Variants in PPP1R1C observed in about 807,000 individuals in gnomAD.
The protein encoded by PPP1R1C is protein phosphatase 1 regulatory subunit 1C.
A neutral mutation model predicts 17.4 loss-of-function variants in PPP1R1C; 15 were observed. That is an observed-to-expected ratio of 0.86 (90% CI 0.58 to 1.33). PPP1R1C has a LOEUF of 1.33. Among genes scored for constraint, PPP1R1C ranks in the 40% most tolerant of loss-of-function variants. The pLI, the probability that PPP1R1C is intolerant of heterozygous loss-of-function variation, is 0.00. For synonymous variants in PPP1R1C, 35 were observed against 43.1 expected (o/e 0.81, Z 0.73); for missense variants, 143 against 130.0 (o/e 1.10, Z -0.48).
intron 2 of PPP1R1C, among the ~76,000 whole-genome samples, chr2:182,000,467 A>C (rs1203985143): frequency 6.6e-6 from 1 of 152,160 alleles, no homozygotes; most frequent in Non-Finnish European, 1.5e-5. Flanking sequence ...TCCTGACATC[A>C]AAAGGTCACA....
At chr2:181,966,893 C>T (rs1381724775) in intron 1 of PPP1R1C, among the ~76,000 whole-genome samples, 1 of 152,118 alleles carries the variant, frequency 6.6e-6, no homozygotes. Context: ...ATTAGTCCTT[C>T]TTTAATTGTT....
chr2:182,049,474 A>G (rs974322534), intron 2 of PPP1R1C, among the ~76,000 whole-genome samples: 1 of 152,170 alleles, frequency 6.6e-6, no homozygotes, highest in Non-Finnish European at 1.5e-5. Flanking sequence ...GCTAATGAAA[A>G]TATACTAAGG....
chr2:182,039,065 T>G (rs1221835745), intron 2 of PPP1R1C, among the ~76,000 whole-genome samples: 2 of 152,200 alleles, frequency 1.3e-5, no homozygotes, highest in Non-Finnish European at 1.5e-5. Context: ...TTTATGTTCT[T>G]CCACACAATT....
At chr2:182,002,194 ATT>A (rs59509714) in intron 2 of PPP1R1C, among the ~76,000 whole-genome samples, 8 of 151,292 alleles carry the variant, frequency 5.3e-5, no homozygotes, top group Non-Finnish European at 1.2e-4. Flanking sequence ...CCATCAAGGT[ATT>A]TTTTTTTCTT....
chr2:182,072,011 A>T (rs1404981940), intron 4 of PPP1R1C, among the ~76,000 whole-genome samples: 1 of 152,200 alleles, frequency 6.6e-6, no homozygotes, highest in Non-Finnish European at 1.5e-5. Context: ...TTCCTATTTG[A>T]GTCAGTATTC....
chr2:181,988,119 A>G (rs1685356916), intron 2 of PPP1R1C, among the ~76,000 whole-genome samples: 1 of 152,212 alleles, frequency 6.6e-6, no homozygotes, highest in African/African-American at 2.4e-5. Flanking sequence ...ATCATAAGTG[A>G]TGATATGCTA....
intron 2 of PPP1R1C, among the ~76,000 whole-genome samples, chr2:182,022,727 G>C (rs1482789775): frequency 6.6e-6 from 1 of 152,176 alleles, no homozygotes; most frequent in Non-Finnish European, 1.5e-5. Context: ...AAGCTTGAGA[G>C]ACCATTAGAA....
intron 4 of PPP1R1C, among the ~76,000 whole-genome samples, chr2:182,089,846 GT>G (rs1688731407): frequency 6.6e-6 from 1 of 151,738 alleles, no homozygotes; most frequent in African/African-American, 2.4e-5. Flanking sequence ...TTATAATTTT[GT>G]TCTCCAGGTA....
chr2:182,103,338 G>A (rs1019574438), intron 4 of PPP1R1C, among the ~76,000 whole-genome samples: 5 of 152,134 alleles, frequency 3.3e-5, no homozygotes, highest in Admixed American at 6.5e-5. Context: ...GTATGAAATT[G>A]CTAGTCCTTA....
intron 4 of PPP1R1C, among the ~76,000 whole-genome samples, chr2:182,088,550 C>T (rs958161549): frequency 5.9e-5 from 9 of 152,080 alleles, no homozygotes; most frequent in South Asian, 2.1e-4. Flanking sequence ...GCAGTCAAGG[C>T]GATGGGGACA....
At chr2:181,998,551 G>A (rs1685678548) in intron 2 of PPP1R1C, among the ~76,000 whole-genome samples, 2 of 152,090 alleles carry the variant, frequency 1.3e-5, no homozygotes, top group African/African-American at 4.8e-5. Flanking sequence ...ACAAATTGTT[G>A]ACAACTGCAC....
At chr2:181,966,524 T>C (rs1684908283) in intron 1 of PPP1R1C, among the ~76,000 whole-genome samples, 1 of 152,152 alleles carries the variant, frequency 6.6e-6, no homozygotes, top group Admixed American at 6.5e-5. Flanking sequence ...TAAAAGGATA[T>C]TGAATTTTAT....
chr2:182,070,926 G>T lies in PPP1R1C; in HGVS notation c.241+7135G>T, dbSNP rs150720023. On this transcript the variant is annotated intron_variant, in intron 4 of 4. Coordinates refer to ENST00000682840, the MANE Select transcript of PPP1R1C (RefSeq NM_001080545.3). Reference sequence around the variant, plus strand: ...GGTGCTACACACTGTTAAACAACCAGATCTCACAATAACTCCCTCACACAC... The same window carrying T: ...GGTGCTACACACTGTTAAACAACCATATCTCACAATAACTCCCTCACACAC... Among the ~76,000 whole-genome samples the T allele has an allele frequency of 5.8e-3, 883 of 152,150 alleles. 5 individuals carry two copies. Among genetic ancestry groups the T allele is most frequent in the Admixed American group, 9.6e-3 (147 of 15,274 alleles).
chr2:182,090,933 A>G (rs1263651455), intron 4 of PPP1R1C, among the ~76,000 whole-genome samples: 2 of 152,214 alleles, frequency 1.3e-5, no homozygotes, highest in African/African-American at 2.4e-5. Flanking sequence ...TCTACTTCCT[A>G]GGGCAAGTGG....
At chr2:182,087,559 G>C (rs1688664369) in intron 4 of PPP1R1C, among the ~76,000 whole-genome samples, 1 of 152,128 alleles carries the variant, frequency 6.6e-6, no homozygotes, top group Non-Finnish European at 1.5e-5. Flanking sequence ...TGTTTTTTGT[G>C]TGTGTGCATA....
chr2:182,127,047 C>T (rs1349255233), intron 5 of PPP1R1C, among the ~76,000 whole-genome samples: 1 of 152,026 alleles, frequency 6.6e-6, no homozygotes, highest in Non-Finnish European at 1.5e-5. Context: ...AGAATCCCAG[C>T]AGTATATAAA....
chr2:181,979,976 C>A (rs976633469), intron 2 of PPP1R1C, among the ~76,000 whole-genome samples: 8 of 152,192 alleles, frequency 5.3e-5, no homozygotes, highest in Admixed American at 4.6e-4. Flanking sequence ...ACATCACCCT[C>A]CTACCTAGGT....
intron 4 of PPP1R1C, among the ~76,000 whole-genome samples, chr2:182,109,881 A>T (rs1689366441): frequency 6.6e-6 from 1 of 152,198 alleles, no homozygotes; most frequent in Admixed American, 6.5e-5. Context: ...GATGACTGAG[A>T]GTCAGTTGAA....
intron 2 of PPP1R1C, among the ~76,000 whole-genome samples, chr2:181,991,383 C>A (rs2125142698): frequency 6.6e-6 from 1 of 152,226 alleles, no homozygotes; most frequent in South Asian, 2.1e-4. Context: ...GCAGTAGAAG[C>A]ACTATGTAAA....
Sources: allele counts gnomAD v4.1 joint callset (sites outside exome capture counted in the v4.1 genomes callset), GRCh38; gene constraint gnomAD v4.1.1; transcripts MANE v1.5; gene names NCBI Gene and HGNC (gene_info 2026-07-23, HGNC 2026-07-21).